ALX4: variants seen among roughly 807,000 people sequenced by gnomAD.
The protein encoded by ALX4 is ALX homeobox 4, also known as homeobox protein aristaless-like 4.
ALX4 carries 22 observed loss-of-function variants against 40.6 expected under a neutral mutation model. That is an observed-to-expected ratio of 0.54 (90% CI 0.39 to 0.77). The LOEUF (loss-of-function observed/expected upper bound fraction) is 0.77. Ranked by LOEUF, ALX4 falls within the 30% of genes least tolerant of loss-of-function variation. The pLI is 0.00. For synonymous variants in ALX4, 266 were observed against 240.5 expected (o/e 1.11, Z -0.98); for missense variants, 556 against 564.8 (o/e 0.98, Z 0.16).
rs1189507553 is a variant in ALX4 at position 44,261,037 on chromosome 11, C to T, written c.*3817G>A. The T allele has an allele frequency of 6.6e-6, 1 of 152,254 alleles. No homozygotes were observed. The highest frequency in any genetic ancestry group is 1.9e-4 in the East Asian group (1 of 5,198). 9.4% of individuals were successfully genotyped at this position (152,254 alleles called of 1,614,324 possible). ...GTTAGGTCATGGAAGCACCTTTCCT[C>T]CCTACAGCATCCTGAAAGAAGTGAA... On this transcript the variant is annotated 3_prime_UTR_variant, in exon 4 of 4. Coordinates refer to ENST00000652299, the MANE Select transcript of ALX4 (RefSeq NM_021926.4).
In ALX4 at chr11:44,309,797, T is replaced by C; in HGVS notation, c.266A>G (p.Lys89Arg). The change falls in exon 1 of 4, where the codon AAG (lysine) becomes AGG (arginine). Residue 89 changes from lysine to arginine, a missense_variant. Physicochemically the swap from Lys to Arg is conservative, Grantham distance 26. Coordinates refer to ENST00000652299, the MANE Select transcript of ALX4 (RefSeq NM_021926.4). ...CGGGGTCGACGGCTGGGGCTGGAAC[T>C]TGTTAAAGGAGCCCCGCGCCCCAGC... ...SGAGARGSFN[K>R]FQPQPSTPQP... 2 of 1,550,838 alleles carry C rather than the reference T, an allele frequency of 1.3e-6. No homozygotes were observed. Among genetic ancestry groups the C allele is most frequent in the Non-Finnish European group, 1.7e-6 (2 of 1,147,194 alleles).
At chr11:44,291,487 C>A (rs1400613094) in intron 1 of ALX4, among the ~76,000 whole-genome samples, 1 of 152,036 alleles carries the variant, frequency 6.6e-6, no homozygotes, top group Admixed American at 6.6e-5. Context: ...CGGCTCACTG[C>A]AACCTCCGCC....
At chr11:44,267,990 G>A (rs1031077380) in intron 2 of ALX4, among the ~76,000 whole-genome samples, 2 of 152,328 alleles carry the variant, frequency 1.3e-5, no homozygotes, top group South Asian at 2.1e-4. Context: ...AGCTACAAAT[G>A]CTCCTCCAGA....
At position 44,290,291 on chromosome 11, in the gene ALX4, G is replaced by A. The variant is rs181722883; in HGVS notation, c.467-14633C>T. Reference sequence around the variant, plus strand: ...AGATGGAGGAGCTTAGATCCTGCACGAGGCAAAATGAAATGATTGAGAAGT... The same window carrying A: ...AGATGGAGGAGCTTAGATCCTGCACAAGGCAAAATGAAATGATTGAGAAGT... On this transcript the variant is annotated intron_variant, in intron 1 of 3. Transcript: ENST00000652299. Among the ~76,000 whole-genome samples, 486 of 152,350 alleles carry A rather than the reference G, an allele frequency of 3.2e-3. 3 individuals carry two copies. The highest frequency in any genetic ancestry group is 2.7e-3 in the Non-Finnish European group (184 of 68,026).
At chr11:44,291,136 C>T (rs962017913) in intron 1 of ALX4, among the ~76,000 whole-genome samples, 12 of 152,164 alleles carry the variant, frequency 7.9e-5, no homozygotes, top group Non-Finnish European at 1.5e-4. Flanking sequence ...CAATGAAGGG[C>T]CCATTTCACA....
intron 1 of ALX4, among the ~76,000 whole-genome samples, chr11:44,283,092 CA>C: frequency 6.6e-6 from 1 of 152,024 alleles, no homozygotes; most frequent in South Asian, 2.1e-4. Flanking sequence ...ACTAAAAATA[CA>C]AAAATTCGTC....
chr11:44,277,313 G>A (rs116603362), intron 1 of ALX4, among the ~76,000 whole-genome samples: 393 of 152,330 alleles, frequency 2.6e-3, no homozygotes, highest in African/African-American at 8.8e-3. Context: ...TGTGCAGGGC[G>A]TGCACAGATG....
rs757361317 is a variant in ALX4, at chr11:44,265,075, G to C, written c.1015C>G (p.Pro339Ala). ...GTGACGCTGCTGGCCCCAGAGCCAG[G>C]GGGGTGGGCATGAGGGGACATGCAG... Reference protein sequence around the residue: ...PACMSPHAHPPGSGASSVTDF... With the variant: ...PACMSPHAHPAGSGASSVTDF... Residue 339 changes from proline (P) to alanine (A), a missense_variant, in exon 4 of 4, where the codon CCT (proline) becomes GCT (alanine). Coordinates refer to ENST00000652299, the MANE Select transcript of ALX4 (RefSeq NM_021926.4). 1 of 1,613,018 alleles carries C rather than the reference G, an allele frequency of 6.2e-7. No individual in the cohort carries two copies. Among genetic ancestry groups the C allele is most frequent in the Non-Finnish European group, 8.5e-7 (1 of 1,179,928 alleles).
At chr11:44,305,635 T>C (rs771228333) in intron 1 of ALX4, among the ~76,000 whole-genome samples, 7 of 152,198 alleles carry the variant, frequency 4.6e-5, no homozygotes, top group Non-Finnish European at 7.4e-5. Context: ...GGTGCATGGA[T>C]TGTGTCGGTG....
At chr11:44,265,256 A>G in intron 3 of ALX4, 73 bp from the exon 4 acceptor site, 1 of 1,346,456 alleles carries the variant, frequency 7.4e-7, no homozygotes, top group Non-Finnish European at 1.0e-6. Flanking sequence ...CCCTTCCCCC[A>G]GAGCACCTCT....
intron 1 of ALX4, among the ~76,000 whole-genome samples, chr11:44,306,247 T>C (rs7118653): frequency 0.41 from 62,737 of 152,162 alleles, 13,329 homozygotes; most frequent in Admixed American, 0.5. Context: ...TTTAGCACAT[T>C]TGGGGAAAGG....
chr11:44,300,041 A>G (rs748086957), intron 1 of ALX4, among the ~76,000 whole-genome samples: 2 of 151,858 alleles, frequency 1.3e-5, no homozygotes, highest in Non-Finnish European at 2.9e-5. Context: ...TTGCCTTAAA[A>G]CCCATTATTG....
chr11:44,265,000 T>C lies in ALX4; in HGVS notation c.1090A>G (p.Met364Val), dbSNP rs768446841. The C allele has an allele frequency of 6.2e-7, 1 of 1,613,094 alleles. No individual in the cohort carries two copies. Among genetic ancestry groups the C allele is most frequent in the Non-Finnish European group, 8.5e-7 (1 of 1,179,946 alleles). Residue 364 changes from methionine (M) to valine (V), a missense_variant, in exon 4 of 4, where the codon ATG becomes GTG. Transcript: ENST00000652299. ...GAGSHVGQTH[M>V]GSLFGAASLS... is the part of the protein sequence containing the mutation. ...CTGGCTGCTCCAAACAGGCTGCCCATGTGCGTCTGGCCCACGTGACTGCCA... is the reference window on the plus strand; with the variant it reads ...CTGGCTGCTCCAAACAGGCTGCCCACGTGCGTCTGGCCCACGTGACTGCCA...
intron 1 of ALX4, among the ~76,000 whole-genome samples, chr11:44,288,082 T>C (rs1956349497): frequency 6.6e-6 from 1 of 152,198 alleles, no homozygotes; most frequent in Non-Finnish European, 1.5e-5. Flanking sequence ...GTTCAAGTGA[T>C]TCCCTATGTT....
chr11:44,264,578 G>A lies in ALX4; in HGVS notation c.*276C>T, dbSNP rs1281887378. 5.4e-6 allele frequency: 3 copies of A among 559,996 alleles called. No individual in the cohort carries two copies. The African/African-American group carries it at 5.6e-5, about 11-fold the overall frequency. 34.7% of individuals were successfully genotyped at this position (559,996 alleles called of 1,614,324 possible). A position where few individuals can be genotyped will look rare whatever the true frequency, so the allele number is the denominator to read the frequency against. On this transcript the variant is annotated 3_prime_UTR_variant, in exon 4 of 4. Transcript: ENST00000652299. ...AAAGCGCTTTCAGCTTATCATGGAT[G>A]CGAAGCTGAAAAACGTGGCCACCTG...
chr11:44,309,971 G>C lies in ALX4; in HGVS notation c.92C>G (p.Ser31Trp). The part of the protein sequence containing the change: ...YSPVSQSREG[S>W]SPFRAFPGGD... ...TCCGGGAAATGCCCTAAAAGGCGAC[G>C]AGCCCTCCCGACTCTGCGACACCGG... The change falls in exon 1 of 4, where the codon TCG (serine) becomes TGG (tryptophan). Residue 31 changes from serine to tryptophan, a missense_variant. By Grantham distance (177) the Ser-to-Trp change is radical (BLOSUM62 -3). Coordinates refer to ENST00000652299, the MANE Select transcript of ALX4 (RefSeq NM_021926.4). 6.3e-7 allele frequency: 1 copy of C among 1,596,856 alleles called. No individual in the cohort carries two copies. Among genetic ancestry groups the C allele is most frequent in the Non-Finnish European group, 8.5e-7 (1 of 1,171,764 alleles).
intron 1 of ALX4, among the ~76,000 whole-genome samples, chr11:44,303,800 A>G (rs1330415233): frequency 1.3e-5 from 2 of 152,118 alleles, no homozygotes; most frequent in Non-Finnish European, 2.9e-5. Flanking sequence ...CGCATCACCA[A>G]ATTTTTGTCA....
chr11:44,261,810 C>T lies in ALX4; in HGVS notation c.*3044G>A, dbSNP rs149764792. 44 of 152,400 alleles carry T rather than the reference C, an allele frequency of 2.9e-4. No homozygotes were observed. The highest frequency in any genetic ancestry group is 3.4e-3 in the Middle Eastern group (1 of 294). The allele number at this position is 152,400 out of a possible 1,614,324, so 9.4% of individuals were successfully genotyped here. ...GTATCCAAAGGAAATCCTCACCTCT[C>T]TTAGCTTATTCGCATAGCAATGAAC... On this transcript the variant is annotated 3_prime_UTR_variant, in exon 4 of 4. Transcript: ENST00000652299.
intron 2 of ALX4, 84 bp downstream of exon 2, chr11:44,275,264 G>T: frequency 7.1e-7 from 1 of 1,401,252 alleles, no homozygotes; most frequent in Non-Finnish European, 1.0e-6. Flanking sequence ...TGGTTGGTGG[G>T]CAGTCAGGAG....
Sources: gnomAD v4.1 joint callset for allele counts (sites outside exome capture counted in the v4.1 genomes callset) on GRCh38, gnomAD v4.1.1 for gene constraint, MANE v1.5 for transcripts, NCBI Gene and HGNC (gene_info 2026-07-23, HGNC 2026-07-21) for gene names.